DLGAP2: variants seen among roughly 807,000 people sequenced by gnomAD.
The protein encoded by DLGAP2 is DLG associated protein 2, also known as disks large-associated protein 2.
A neutral mutation model predicts 100.3 loss-of-function variants in DLGAP2; 26 were observed. The ratio of observed to expected loss-of-function variants is 0.26; its 90% CI spans 0.19 to 0.36. The LOEUF is 0.36. DLGAP2 is among the 10% of genes least tolerant of loss of function. DLGAP2 has a pLI of 1.00. For synonymous variants in DLGAP2, 886 were observed against 630.1 expected (o/e 1.41, Z -6.08); for missense variants, 1,858 against 1,453.2 (o/e 1.28, Z -4.53).
intron 3 of DLGAP2, among the ~76,000 whole-genome samples, chr8:1,380,634 T>C (rs1027842668): frequency 6.6e-6 from 1 of 152,148 alleles, no homozygotes; most frequent in Admixed American, 6.5e-5. Flanking sequence ...TTACTCCAAA[T>C]TGCTTCTGAA....
At chr8:764,158 G>A (rs1210768274) in intron 1 of DLGAP2, among the ~76,000 whole-genome samples, 1 of 152,160 alleles carries the variant, frequency 6.6e-6, no homozygotes, top group South Asian at 2.1e-4. Context: ...AATTGGGCCA[G>A]GGCTCAGCAC....
chr8:1,103,833 C>T (rs1804666411), intron 2 of DLGAP2, among the ~76,000 whole-genome samples: 1 of 152,088 alleles, frequency 6.6e-6, no homozygotes, highest in South Asian at 2.1e-4. Context: ...CTGCTGTATT[C>T]AGGAGTGTGC....
At chr8:1,382,635 T>C (rs189432186) in intron 3 of DLGAP2, among the ~76,000 whole-genome samples, 9 of 152,182 alleles carry the variant, frequency 5.9e-5, no homozygotes, top group Middle Eastern at 3.4e-3. Flanking sequence ...CCAGCTACTT[T>C]GCAGGCTGAG....
chr8:1,697,243 G>C lies in DLGAP2; in HGVS notation c.2893G>C (p.Glu965Gln). 6.2e-7 allele frequency: 1 copy of C among 1,611,092 alleles called. No individual in the cohort carries two copies. Residue 965 changes from glutamate to glutamine, a missense_variant, in exon 14 of 15, where the codon GAG becomes CAG. By Grantham distance (29) the Glu-to-Gln change is conservative. Coordinates refer to ENST00000637795, the MANE Select transcript of DLGAP2 (RefSeq NM_001346810.2). Reference sequence around the variant, plus strand: ...TGAGGACGTCAGCATGAAGTTCGACGAGCTGCAGCGGCTGCGGCTCAACGA... The same window carrying C: ...TGAGGACGTCAGCATGAAGTTCGACCAGCTGCAGCGGCTGCGGCTCAACGA... ...SIEDVSMKFD[E>Q]LQRLRLNDWK...
intron 3 of DLGAP2, among the ~76,000 whole-genome samples, chr8:1,317,340 AAC>A (rs1800781144): frequency 7.9e-6 from 1 of 126,778 alleles, no homozygotes; most frequent in Admixed American, 8.3e-5. Context: ...GCGTCTCTCC[AAC>A]AGTGGTCTAC....
Position 1,169,694 on chromosome 8 carries a change from G to T in DLGAP2, c.74-89157G>T, listed in dbSNP as rs1342501865. On this transcript the variant is annotated intron_variant, in intron 2 of 14. Coordinates refer to ENST00000637795, the MANE Select transcript of DLGAP2 (RefSeq NM_001346810.2). Reference sequence around the variant, plus strand: ...TTTGGCTCTCTGTTTGTCTGTTGTTGGTGTATAAGAATGCTTGTGATTTTT... The same window carrying T: ...TTTGGCTCTCTGTTTGTCTGTTGTTTGTGTATAAGAATGCTTGTGATTTTT... Among the ~76,000 whole-genome samples the T allele has an allele frequency of 3.2e-3, 492 of 151,908 alleles. 3 individuals are homozygous for T. Among genetic ancestry groups the T allele is most frequent in the Admixed American group, 5.7e-3 (87 of 15,266 alleles).
rs1182048644 is a variant in DLGAP2, at chr8:1,287,939, CGTGT to C, written c.106+29072_106+29075del. ...AGGAGGGGAACTAGTTTTGGTTCAG[CGTGT>C]GTGTGTGTGTGTGTGGTTGTTAGGG... On this transcript the variant is annotated intron_variant, in intron 3 of 14. Coordinates refer to ENST00000637795, the MANE Select transcript of DLGAP2 (RefSeq NM_001346810.2). 1.3e-3 allele frequency among the ~76,000 whole-genome samples: 91 copies of C among 69,868 alleles called. 1 individual carries two copies. The highest frequency in any genetic ancestry group is 4.5e-3 in the African/African-American group (76 of 16,736). 45.8% of individuals were successfully genotyped at this position (69,868 alleles called of 152,430 possible).
At chr8:1,212,912 G>A (rs929407759) in intron 2 of DLGAP2, among the ~76,000 whole-genome samples, 2 of 151,812 alleles carry the variant, frequency 1.3e-5, no homozygotes, top group African/African-American at 4.8e-5. Flanking sequence ...ATAAACGTTG[G>A]AAAATTTTAG....
chr8:801,815 T>C (rs2132656044), intron 1 of DLGAP2, among the ~76,000 whole-genome samples: 1 of 152,278 alleles, frequency 6.6e-6, no homozygotes, highest in Non-Finnish European at 1.5e-5. Flanking sequence ...TGCTCGGGGA[T>C]GGCTCACTGC....
chr8:1,616,106 T>C (rs1797145082), intron 6 of DLGAP2, among the ~76,000 whole-genome samples: 2 of 152,146 alleles, frequency 1.3e-5, no homozygotes, highest in South Asian at 4.1e-4. Flanking sequence ...CCACAATATC[T>C]GAAATGAAAA....
At chr8:825,409 A>G (rs1410861227) in intron 1 of DLGAP2, among the ~76,000 whole-genome samples, 2 of 152,220 alleles carry the variant, frequency 1.3e-5, no homozygotes, top group Non-Finnish European at 2.9e-5. Context: ...GCTGTTCCAC[A>G]GAAGCTGGCC....
chr8:1,534,813 ATG>A (rs1288633732), intron 4 of DLGAP2, among the ~76,000 whole-genome samples: 10 of 152,078 alleles, frequency 6.6e-5, no homozygotes, highest in African/African-American at 2.4e-4. Context: ...TGTGCGCGTG[ATG>A]TGTGTGCGTG....
chr8:1,287,267 T>C (rs1248685329), intron 3 of DLGAP2, among the ~76,000 whole-genome samples: 2 of 46,356 alleles, frequency 4.3e-5, no homozygotes, highest in East Asian at 8.2e-4. Context: ...TAGTTCAGCG[T>C]GTGTGTGTGT....
intron 2 of DLGAP2, among the ~76,000 whole-genome samples, chr8:1,231,253 ATTGTTATAGAAATG>A (rs1039090613): frequency 2.0e-5 from 3 of 152,342 alleles, no homozygotes; most frequent in Admixed American, 6.5e-5. Flanking sequence ...CATATCTCTA[ATTGTTATAGAAATG>A]TAAATCAAAC....
intron 2 of DLGAP2, among the ~76,000 whole-genome samples, chr8:987,231 G>C (rs2129015661): frequency 6.6e-6 from 1 of 152,252 alleles, no homozygotes; most frequent in Non-Finnish European, 1.5e-5. Context: ...GGTCGCCTGA[G>C]ATCAGGAAGC....
intron 3 of DLGAP2, among the ~76,000 whole-genome samples, chr8:1,375,210 C>T (rs1337202423): frequency 1.2e-5 from 1 of 85,060 alleles, no homozygotes; most frequent in Non-Finnish European, 2.0e-5. Flanking sequence ...GAACTGATCC[C>T]CCACCTCCTA....
intron 3 of DLGAP2, among the ~76,000 whole-genome samples, chr8:1,305,809 A>G (rs1275797292): frequency 1.3e-5 from 2 of 152,158 alleles, no homozygotes; most frequent in Non-Finnish European, 2.9e-5. Flanking sequence ...CTACCGCCCC[A>G]CTCAACAGCA....
At chr8:1,516,063 G>A (rs1436020958) in intron 4 of DLGAP2, among the ~76,000 whole-genome samples, 1 of 152,146 alleles carries the variant, frequency 6.6e-6, no homozygotes, top group Non-Finnish European at 1.5e-5. Flanking sequence ...GTGAGTGGGT[G>A]AGTAAAAAAG....
At position 1,449,661 on chromosome 8, in the gene DLGAP2, G is replaced by T. The variant is rs529490839; in HGVS notation, c.107-51705G>T. Among the ~76,000 whole-genome samples, 38 of 152,332 alleles carry T rather than the reference G, an allele frequency of 2.5e-4. 1 individual carries two copies. The highest frequency in any genetic ancestry group is 8.2e-4 in the African/African-American group (34 of 41,584). On this transcript the variant is annotated intron_variant, in intron 3 of 14. Coordinates refer to ENST00000637795, the MANE Select transcript of DLGAP2 (RefSeq NM_001346810.2). ...GGGTCCCTGGGCCACACTTGGAAAG[G>T]TCAAGGCTTCAGCAGAAGGTGGGAG...
Sources: gnomAD v4.1 joint callset for allele counts (sites outside exome capture counted in the v4.1 genomes callset) on GRCh38, gnomAD v4.1.1 for gene constraint, MANE v1.5 for transcripts, NCBI Gene and HGNC (gene_info 2026-07-23, HGNC 2026-07-21) for gene names.